The following GRIP1 variants were observed in gnomAD, a reference collection of about 807,000 sequenced individuals.
GRIP1 encodes the protein glutamate receptor-interacting protein 1.
A neutral mutation model predicts 129.9 loss-of-function variants in GRIP1; 45 were observed. That is an observed-to-expected ratio of 0.35 (90% CI 0.27 to 0.44). The LOEUF is 0.44. Ranked by LOEUF, GRIP1 falls within the 20% of genes least tolerant of loss-of-function variation. GRIP1 has a pLI of 1.00. For synonymous variants in GRIP1, 530 were observed against 520.8 expected, an observed-to-expected ratio of 1.02 and a Z score of -0.24; for missense variants, 1,196 against 1,396.8, an observed-to-expected ratio of 0.86 and a Z score of 2.29.
chr12:66,800,263 C>T, intron 1 of GRIP1, among the ~76,000 whole-genome samples: 1 of 152,146 alleles, frequency 6.6e-6, no homozygotes, highest in East Asian at 1.9e-4. Flanking sequence ...CTAATGACTG[C>T]CCTGAGAGCT....
intron 2 of GRIP1, among the ~76,000 whole-genome samples, chr12:66,591,999 C>G (rs2063864651): frequency 6.6e-6 from 1 of 152,070 alleles, no homozygotes; most frequent in East Asian, 1.9e-4. Context: ...CACACCTGAA[C>G]AGTGGTATAG....
intron 1 of GRIP1, among the ~76,000 whole-genome samples, chr12:66,887,184 G>A (rs2137216220): frequency 6.6e-6 from 1 of 152,334 alleles, no homozygotes; most frequent in Non-Finnish European, 1.5e-5. Context: ...TTCTGGCTTT[G>A]CCTTAGGAGT....
chr12:66,916,132 A>C (rs1389112902), intron 1 of GRIP1, among the ~76,000 whole-genome samples: 1 of 152,248 alleles, frequency 6.6e-6, no homozygotes, highest in Non-Finnish European at 1.5e-5. Flanking sequence ...CTCTACCCTA[A>C]ATATAAAATG....
intron 1 of GRIP1, among the ~76,000 whole-genome samples, chr12:67,009,317 T>G (rs10506513): frequency 0.28 from 42,706 of 152,062 alleles, 7,089 homozygotes; most frequent in Non-Finnish European, 0.36. Flanking sequence ...TTTCACCTGC[T>G]TTGCTAACAA....
intron 1 of GRIP1, among the ~76,000 whole-genome samples, chr12:67,024,935 T>C (rs1314346290): frequency 6.6e-6 from 1 of 152,228 alleles, no homozygotes; most frequent in African/African-American, 2.4e-5. Flanking sequence ...TTTGTTTTTC[T>C]TTCATTTAGT....
At chr12:66,538,459 G>A (rs991161569) in intron 4 of GRIP1, among the ~76,000 whole-genome samples, 1 of 151,684 alleles carries the variant, frequency 6.6e-6, no homozygotes, top group Non-Finnish European at 1.5e-5. Flanking sequence ...GCCTTCCAAA[G>A]TTCTGGGATT....
intron 7 of GRIP1, among the ~76,000 whole-genome samples, chr12:66,476,851 C>T (rs4913502): frequency 0.68 from 103,288 of 152,074 alleles, 35,817 homozygotes; most frequent in Middle Eastern, 0.79. Context: ...AAACTCTCAA[C>T]AAATTAGGTA....
At chr12:66,353,314 G>A in intron 24 of GRIP1, 103 bp downstream of exon 24, 1 of 842,734 alleles carries the variant, frequency 1.2e-6, no homozygotes, top group Non-Finnish European at 2.1e-6. Flanking sequence ...GACAAAGGCT[G>A]AAAGGGAAAA....
At chr12:66,737,172 C>A (rs1033470761) in intron 1 of GRIP1, among the ~76,000 whole-genome samples, 1 of 152,142 alleles carries the variant, frequency 6.6e-6, no homozygotes, top group African/African-American at 2.4e-5. Flanking sequence ...GCATAAGATG[C>A]TTGTTTGCTT....
chr12:66,636,715 CTGTG>C lies in GRIP1; in HGVS notation c.56-39792_56-39789del, dbSNP rs113361426. ...TAAAACAGGGGGAGACATTAGATCT[CTGTG>C]TGTGTGTGTGTGTGTGTGTGTGTGT... On this transcript the variant is annotated intron_variant, in intron 1 of 24. Transcript: ENST00000359742. Among the ~76,000 whole-genome samples the C allele has an allele frequency of 2.2e-3, 316 of 145,192 alleles. 2 individuals are homozygous for C. The highest frequency in any genetic ancestry group is 5.5e-3 in the East Asian group (27 of 4,928).
intron 1 of GRIP1, among the ~76,000 whole-genome samples, chr12:66,685,597 G>A (rs1282550122): frequency 8.5e-5 from 13 of 152,048 alleles, no homozygotes; most frequent in African/African-American, 2.9e-4. Context: ...GGGCTTATGC[G>A]CTACTAGGAA....
intron 1 of GRIP1, among the ~76,000 whole-genome samples, chr12:66,715,471 T>TGTGTGTGTGTGTGTGAGAGAGAGAGA (rs761155485): frequency 1.1e-4 from 12 of 110,134 alleles, no homozygotes; most frequent in African/African-American, 4.1e-4. Flanking sequence ...TGTGTGTGTG[T>TGTGTGTGTGTGTGTGAGAGAGAGAGA]GAGAGAGAGA....
intron 1 of GRIP1, among the ~76,000 whole-genome samples, chr12:66,599,925 T>C (rs1310451669): frequency 6.6e-6 from 1 of 152,198 alleles, no homozygotes; most frequent in Non-Finnish European, 1.5e-5. Flanking sequence ...CTTATTTCCT[T>C]TTAGATAGAC....
chr12:66,786,622 C>G (rs1468878963), intron 1 of GRIP1, among the ~76,000 whole-genome samples: 1 of 152,160 alleles, frequency 6.6e-6, no homozygotes, highest in Non-Finnish European at 1.5e-5. Flanking sequence ...GTGAATGTTG[C>G]TGGAACACCA....
At chr12:66,634,713 T>C (rs890241035) in intron 1 of GRIP1, among the ~76,000 whole-genome samples, 3 of 152,232 alleles carry the variant, frequency 2.0e-5, no homozygotes, top group Non-Finnish European at 2.9e-5. Flanking sequence ...AGAAGTCATA[T>C]AGATTATCTA....
intron 1 of GRIP1, among the ~76,000 whole-genome samples, chr12:66,846,598 T>G (rs2039820422): frequency 1.3e-5 from 2 of 152,210 alleles, no homozygotes; most frequent in Admixed American, 1.3e-4. Flanking sequence ...TTGGAGGCTA[T>G]GAATATGTTT....
At chr12:67,033,917 G>C (rs578088676) in intron 1 of GRIP1, among the ~76,000 whole-genome samples, 1 of 152,302 alleles carries the variant, frequency 6.6e-6, no homozygotes, top group South Asian at 2.1e-4. Context: ...GCCAGGAAAA[G>C]ATAGAAAGCA....
At position 66,750,801 on chromosome 12, in the gene GRIP1, T is replaced by C. The variant is rs574545061; in HGVS notation, c.-420+53252A>G. Reference sequence around the variant, plus strand: ...ACATTCTAACAGCAATAGAGTTTCATAAAATAAGCAAAAGACCTGTGAAAT... The same window carrying C: ...ACATTCTAACAGCAATAGAGTTTCACAAAATAAGCAAAAGACCTGTGAAAT... On this transcript the variant is annotated intron_variant, in intron 1 of 4. Transcript: ENST00000538373. Among the ~76,000 whole-genome samples, 10 of 152,168 alleles carry C rather than the reference T, an allele frequency of 6.6e-5. No homozygotes were observed. In the East Asian group the frequency reaches 1.9e-3, roughly 29 times the overall value.
chr12:66,398,044 G>GCT (rs1238985969), intron 16 of GRIP1, among the ~76,000 whole-genome samples: 1 of 152,060 alleles, frequency 6.6e-6, no homozygotes, highest in Non-Finnish European at 1.5e-5. Flanking sequence ...CACAAGACAA[G>GCT]CTCTCCAGGG....
Sources: gnomAD v4.1 joint callset for allele counts (sites outside exome capture counted in the v4.1 genomes callset) on GRCh38, gnomAD v4.1.1 for gene constraint, MANE v1.5 for transcripts, NCBI Gene and HGNC (gene_info 2026-07-23, HGNC 2026-07-21) for gene names.